RAB22A: variants seen among roughly 807,000 people sequenced by gnomAD.
RAB22A encodes ras-related protein Rab-22A.
RAB22A carries 13 observed loss-of-function variants against 30.2 expected under a neutral mutation model. The ratio of observed to expected loss-of-function variants is 0.43; its 90% CI spans 0.28 to 0.68. The LOEUF (loss-of-function observed/expected upper bound fraction) is 0.68. RAB22A is among the 30% of genes least tolerant of loss of function. RAB22A has a pLI of 0.18. For synonymous variants in RAB22A, 89 were observed against 87.2 expected (o/e 1.02, Z -0.11); for missense variants, 177 against 246.8 (o/e 0.72, Z 1.89).
In RAB22A at chr20:58,333,276, CATAAATAA is replaced by C. The variant is rs58194504; in HGVS notation, c.117-10415_117-10408del. On this transcript the variant is annotated intron_variant, in intron 2 of 6. Transcript: ENST00000244040. ...CCTGGGCGACAGAGTGAGACTCCAT[CATAAATAA>C]ATAAATAAATAAATAAATAAATAAA... Among the ~76,000 whole-genome samples, 1,396 of 143,750 alleles carry C rather than the reference CATAAATAA, an allele frequency of 9.7e-3. 22 individuals are homozygous for C. The highest frequency in any genetic ancestry group is 0.032 in the African/African-American group (1,240 of 38,224). The allele number at this position is 143,750 out of a possible 152,430, so 94.3% of individuals were successfully genotyped here.
Position 58,309,755 on chromosome 20 carries a change from C to T in RAB22A, c.-222C>T, listed in dbSNP as rs1465673616. ...CGTCCCAAGATGGCGGCGGCGGCGG[C>T]TCCCGGAAGGCCGCGGCGGCGTCCC... On this transcript the variant is annotated 5_prime_UTR_variant, in exon 1 of 7. Transcript: ENST00000244040. 3.5e-6 allele frequency: 1 copy of T among 286,032 alleles called. No individual in the cohort carries two copies. Among genetic ancestry groups the T allele is most frequent in the Non-Finnish European group, 6.3e-6 (1 of 158,670 alleles). 17.7% of individuals were successfully genotyped at this position (286,032 alleles called of 1,614,324 possible).
intron 6 of RAB22A, among the ~76,000 whole-genome samples, chr20:58,355,058 G>A (rs1987110057): frequency 6.6e-6 from 1 of 152,222 alleles, no homozygotes; most frequent in Non-Finnish European, 1.5e-5. Flanking sequence ...AGCAGGCCCT[G>A]TAGAGGTGTG....
Position 58,359,744 on chromosome 20 carries a change from T to C in RAB22A, c.*41T>C, listed in dbSNP as rs1987194444. ...TCAGACTTGATGATGAAGTAGGTGG[T>C]CCTGAAAGTTAACAGGAGGGCTGGG... On this transcript the variant is annotated 3_prime_UTR_variant, in exon 7 of 7. Transcript: ENST00000244040. 3.3e-6 allele frequency: 5 copies of C among 1,536,526 alleles called. No homozygotes were observed. Among genetic ancestry groups the C allele is most frequent in the Non-Finnish European group, 3.6e-6 (4 of 1,113,462 alleles).
At chr20:58,331,902 A>C (rs1232963650) in intron 2 of RAB22A, among the ~76,000 whole-genome samples, 1 of 152,152 alleles carries the variant, frequency 6.6e-6, no homozygotes, top group Admixed American at 6.5e-5. Flanking sequence ...GACTCCACAT[A>C]TCTACCACTG....
At chr20:58,328,903 T>C (rs1481072456) in intron 2 of RAB22A, among the ~76,000 whole-genome samples, 1 of 152,196 alleles carries the variant, frequency 6.6e-6, no homozygotes, top group Admixed American at 6.5e-5. Flanking sequence ...GCATTACCAT[T>C]GCTCTTCATT....
chr20:58,359,742 G>A lies in RAB22A; in HGVS notation c.*39G>A. 3 of 1,539,628 alleles carry A rather than the reference G, an allele frequency of 1.9e-6. No homozygotes were observed. Among genetic ancestry groups the A allele is most frequent in the Non-Finnish European group, 2.7e-6 (3 of 1,116,236 alleles). On this transcript the variant is annotated 3_prime_UTR_variant, in exon 7 of 7. Coordinates refer to ENST00000244040, the MANE Select transcript of RAB22A (RefSeq NM_020673.3). Reference sequence around the variant, plus strand: ...TCTCAGACTTGATGATGAAGTAGGTGGTCCTGAAAGTTAACAGGAGGGCTG... The same window carrying A: ...TCTCAGACTTGATGATGAAGTAGGTAGTCCTGAAAGTTAACAGGAGGGCTG...
At chr20:58,313,901 A>G (rs553938206) in intron 2 of RAB22A, among the ~76,000 whole-genome samples, 2 of 152,302 alleles carry the variant, frequency 1.3e-5, no homozygotes, top group East Asian at 3.9e-4. Context: ...CTAAGCCTTG[A>G]TGGGCCACAA....
intron 3 of RAB22A, among the ~76,000 whole-genome samples, chr20:58,349,663 A>G (rs1166889499): frequency 5.9e-5 from 9 of 152,196 alleles, no homozygotes; most frequent in African/African-American, 1.7e-4. Flanking sequence ...TTCCGATGAA[A>G]CTTCAGAAGA....
chr20:58,331,103 C>T lies in RAB22A; in HGVS notation c.117-12615C>T, dbSNP rs183246613. 2.6e-5 allele frequency among the ~76,000 whole-genome samples: 4 copies of T among 152,234 alleles called. No individual in the cohort carries two copies. In the East Asian group the frequency reaches 7.7e-4, roughly 29 times the overall value. ...TCTTACTGCATTTCAGCCACATGGC[C>T]CTTCTTTTCAAACATTTGAAAAGAA... On this transcript the variant is annotated intron_variant, in intron 2 of 6. Coordinates refer to ENST00000244040, the MANE Select transcript of RAB22A (RefSeq NM_020673.3).
intron 2 of RAB22A, among the ~76,000 whole-genome samples, chr20:58,315,476 T>C (rs1194437264): frequency 1.3e-5 from 2 of 152,120 alleles, no homozygotes; most frequent in Non-Finnish European, 2.9e-5. Flanking sequence ...TGAAGAACCA[T>C]GCTCCCTAGA....
intron 6 of RAB22A, among the ~76,000 whole-genome samples, chr20:58,358,269 GTTGGTAGGAGA>G (rs900990463): frequency 1.3e-5 from 2 of 152,188 alleles, no homozygotes; most frequent in African/African-American, 4.8e-5. Flanking sequence ...CTCATGCATT[GTTGGTAGGAGA>G]ATATAGTGGC....
Position 58,363,946 on chromosome 20 carries a change from AC to A in RAB22A, c.*4245del, listed in dbSNP as rs977556454. 4.6e-5 allele frequency: 7 copies of A among 152,734 alleles called. No homozygotes were observed. The highest frequency in any genetic ancestry group is 1.0e-4 in the Non-Finnish European group (7 of 68,026). 9.5% of individuals were successfully genotyped at this position (152,734 alleles called of 1,614,324 possible). The stretch of plus-strand genomic sequence containing the variant: ...ATTTAGCCTAGAACTTAAAGAAACA[AC>A]CTCTGCGAATTTCTCTTGACAGCGG... On this transcript the variant is annotated 3_prime_UTR_variant, in exon 7 of 7. Transcript: ENST00000244040.
At chr20:58,353,802 C>T (rs1447101798) in intron 5 of RAB22A, among the ~76,000 whole-genome samples, 1 of 152,172 alleles carries the variant, frequency 6.6e-6, no homozygotes, top group Non-Finnish European at 1.5e-5. Context: ...AGAGCAGCCC[C>T]CAGGCTCCCA....
intron 6 of RAB22A, among the ~76,000 whole-genome samples, chr20:58,356,027 T>G (rs945273575): frequency 5.3e-5 from 8 of 152,118 alleles, no homozygotes; most frequent in African/African-American, 1.9e-4. Context: ...AACAGGAAAG[T>G]AGGCCAGACA....
At chr20:58,317,341 C>T (rs955888026) in intron 2 of RAB22A, among the ~76,000 whole-genome samples, 3 of 151,600 alleles carry the variant, frequency 2.0e-5, no homozygotes, top group African/African-American at 7.3e-5. Context: ...AGGTGATCCA[C>T]CCACCTTGGC....
At chr20:58,313,888 C>G (rs1363427050) in intron 2 of RAB22A, among the ~76,000 whole-genome samples, 19 of 152,124 alleles carry the variant, frequency 1.2e-4, no homozygotes, top group Non-Finnish European at 2.8e-4. Flanking sequence ...TGAATAGTTG[C>G]AACTAAGCCT....
In RAB22A at chr20:58,361,196, T is replaced by C. The variant is rs1009855825; in HGVS notation, c.*1493T>C. On this transcript the variant is annotated 3_prime_UTR_variant, in exon 7 of 7. Coordinates refer to ENST00000244040, the MANE Select transcript of RAB22A (RefSeq NM_020673.3). ...ACCTGAGTATTGTAGGGGAAGGAAA[T>C]TTACAAGATTTAATAGGAAATGAAA... 1 of 152,542 alleles carries C rather than the reference T, an allele frequency of 6.6e-6. No homozygotes were observed. Among genetic ancestry groups the C allele is most frequent in the Non-Finnish European group, 1.5e-5 (1 of 68,022 alleles). The allele number at this position is 152,542 out of a possible 1,614,324, so 9.4% of individuals were successfully genotyped here.
At chr20:58,348,559 A>G (rs1421902979) in intron 3 of RAB22A, among the ~76,000 whole-genome samples, 1 of 152,170 alleles carries the variant, frequency 6.6e-6, no homozygotes, top group Non-Finnish European at 1.5e-5. Flanking sequence ...AGTAGAAGCA[A>G]ACCCGAAAGT....
intron 2 of RAB22A, among the ~76,000 whole-genome samples, chr20:58,321,011 A>G (rs859492): frequency 0.53 from 81,018 of 151,804 alleles, 22,994 homozygotes; most frequent in African/African-American, 0.73. Context: ...CCAACATGGT[A>G]AAACCCCGTG....
Sources: gnomAD v4.1 joint callset for allele counts (sites outside exome capture counted in the v4.1 genomes callset) on GRCh38, gnomAD v4.1.1 for gene constraint, MANE v1.5 for transcripts, NCBI Gene and HGNC (gene_info 2026-07-23, HGNC 2026-07-21) for gene names.